The following ADAM9 variants were observed in gnomAD, a reference collection of about 807,000 sequenced individuals.
ADAM9 encodes the protein disintegrin and metalloproteinase domain-containing protein 9.
In ADAM9, 54 loss-of-function variants were observed where a neutral mutation model predicts 108.1. That is an observed-to-expected ratio of 0.50 (90% CI 0.40 to 0.63). ADAM9 has a LOEUF of 0.63. Ranked by LOEUF, ADAM9 falls within the 20% of genes least tolerant of loss-of-function variation. ADAM9 has a pLI of 0.00. For missense variants in ADAM9, 830 were observed against 997.7 expected (o/e 0.83, Z 2.26); for synonymous variants, 316 against 336.0 (o/e 0.94, Z 0.65).
At chr8:39,099,383 T>A (rs1363762100) in intron 20 of ADAM9, among the ~76,000 whole-genome samples, 2 of 152,188 alleles carry the variant, frequency 1.3e-5, no homozygotes, top group Non-Finnish European at 2.9e-5. Flanking sequence ...CCCAGCCAAG[T>A]GTTTCAAAAT....
intron 12 of ADAM9, among the ~76,000 whole-genome samples, chr8:39,053,189 T>C (rs35856044): frequency 1.8e-4 from 27 of 152,176 alleles, no homozygotes; most frequent in Non-Finnish European, 3.2e-4. Flanking sequence ...TGATTACTTA[T>C]TGTTGAGTTT....
At chr8:39,016,345 T>C in intron 5 of ADAM9, 151 bp downstream of exon 5, 1 of 735,590 alleles carries the variant, frequency 1.4e-6, no homozygotes, top group Non-Finnish European at 2.4e-6. Context: ...GTGTTTCAGA[T>C]ATCCTTGGCA....
At chr8:39,096,869 T>G (rs1427234971) in intron 20 of ADAM9, among the ~76,000 whole-genome samples, 1 of 152,198 alleles carries the variant, frequency 6.6e-6, no homozygotes, top group Non-Finnish European at 1.5e-5. Context: ...TTGTTGATAT[T>G]CTCATTTTGT....
chr8:39,076,010 A>C (rs1362516657), intron 15 of ADAM9: 2 of 152,226 alleles, frequency 1.3e-5, no homozygotes, highest in African/African-American at 4.8e-5. Flanking sequence ...GCAGCACAAC[A>C]AAAATTAGGA....
At chr8:39,028,354 GC>G (rs1478636591) in intron 11 of ADAM9, among the ~76,000 whole-genome samples, 6 of 150,524 alleles carry the variant, frequency 4.0e-5, no homozygotes, top group Non-Finnish European at 8.8e-5. Flanking sequence ...CTTACAAAAA[GC>G]CATGCTTCAT....
chr8:39,036,678 G>A (rs1588363294), intron 11 of ADAM9, among the ~76,000 whole-genome samples: 1 of 152,130 alleles, frequency 6.6e-6, no homozygotes, highest in African/African-American at 2.4e-5. Flanking sequence ...CATTCTTTTT[G>A]TTGCCATAGG....
intron 16 of ADAM9, among the ~76,000 whole-genome samples, chr8:39,080,898 G>A (rs1429364598): frequency 6.6e-6 from 1 of 151,800 alleles, no homozygotes; most frequent in Admixed American, 6.6e-5. Context: ...GGGTGGTAGG[G>A]GGAGTGGTAG....
At chr8:39,091,128 C>T (rs1418512242) in intron 19 of ADAM9, 131 bp from the exon 20 acceptor site, 21 of 849,588 alleles carry the variant, frequency 2.5e-5, no homozygotes, top group South Asian at 1.1e-4. Flanking sequence ...AAATTTAAAC[C>T]GTATCATGAT....
intron 21 of ADAM9, 139 bp from the exon 22 acceptor site, chr8:39,103,468 T>C: frequency 1.2e-6 from 1 of 825,118 alleles, no homozygotes; most frequent in South Asian, 1.4e-5. Context: ...AATATCACCC[T>C]AATACTGATC....
At chr8:39,011,821 A>G in intron 3 of ADAM9, 105 bp downstream of exon 3, 1 of 1,114,708 alleles carries the variant, frequency 9.0e-7, no homozygotes, top group South Asian at 1.3e-5. Flanking sequence ...CCCTGGGATT[A>G]AGCAGATTTA....
chr8:39,072,491 CT>C (rs201581656), intron 15 of ADAM9, among the ~76,000 whole-genome samples: 1 of 151,520 alleles, frequency 6.6e-6, no homozygotes, highest in East Asian at 1.9e-4. Context: ...GAAGAAACCT[CT>C]TTTTTTTTGG....
chr8:39,043,908 T>G (rs1837532017), intron 12 of ADAM9, among the ~76,000 whole-genome samples: 2 of 152,216 alleles, frequency 1.3e-5, no homozygotes, highest in Non-Finnish European at 2.9e-5. Flanking sequence ...GTTACTTCAA[T>G]TAGGAAAATT....
chr8:39,089,885 A>G (rs1279587063), intron 18 of ADAM9, 162 bp from the exon 19 acceptor site: 2 of 746,872 alleles, frequency 2.7e-6, no homozygotes, highest in Non-Finnish European at 4.6e-6. Flanking sequence ...GCAGAAGTAA[A>G]GCGGACAGGA....
chr8:39,066,086 CT>C (rs1442184644), intron 14 of ADAM9, among the ~76,000 whole-genome samples: 3 of 152,130 alleles, frequency 2.0e-5, no homozygotes, highest in Non-Finnish European at 2.9e-5. Flanking sequence ...TGAACTCATC[CT>C]TTTTCATGGC....
At position 39,072,914 on chromosome 8, in the gene ADAM9, G is replaced by A. The variant is rs867703025; in HGVS notation, c.1697+1511G>A. Among the ~76,000 whole-genome samples, 13 of 152,020 alleles carry A rather than the reference G, an allele frequency of 8.6e-5. No homozygotes were observed. The South Asian group carries it at 1.0e-3, about 12-fold the overall frequency. On this transcript the variant is annotated intron_variant, in intron 15 of 21. Coordinates refer to ENST00000487273, the MANE Select transcript of ADAM9 (RefSeq NM_003816.3). The stretch of plus-strand genomic sequence containing the variant: ...ATTGAAAGCCTATTGCTTAATTCCC[G>A]AGTAGTTGGGAATATACTGGTTATC...
rs551081730 is a variant in ADAM9, at chr8:39,035,375, A to G, written c.1131-6571A>G. On this transcript the variant is annotated intron_variant, in intron 11 of 21. Coordinates refer to ENST00000487273, the MANE Select transcript of ADAM9 (RefSeq NM_003816.3). ...TTGTCTCTGATCATAGTAAGCATAA[A>G]TGTCTTATGGCTATCATTTGATAAT... Among the ~76,000 whole-genome samples the G allele has an allele frequency of 8.7e-4, 133 of 152,304 alleles. 1 individual carries two copies. Among genetic ancestry groups the G allele is most frequent in the African/African-American group, 3.0e-3 (126 of 41,560 alleles).
At chr8:39,046,049 A>G (rs1285891604) in intron 12 of ADAM9, among the ~76,000 whole-genome samples, 1 of 152,066 alleles carries the variant, frequency 6.6e-6, no homozygotes, top group Non-Finnish European at 1.5e-5. Flanking sequence ...GAATCTGCAG[A>G]TCACTTTGGG....
chr8:39,070,700 G>A (rs989173682), intron 14 of ADAM9, among the ~76,000 whole-genome samples: 6 of 151,068 alleles, frequency 4.0e-5, no homozygotes, highest in Admixed American at 2.6e-4. Context: ...CAAGGTTACA[G>A]TAAGCTATGA....
Position 39,104,895 on chromosome 8 carries a change from T to C in ADAM9, c.*1195T>C, listed in dbSNP as rs1839816922. Reference sequence around the variant, plus strand: ...AACCTTTCATAATAAAGTTTAATAATAGGTTTATTAACTGAATTTCATTAG... The same window carrying C: ...AACCTTTCATAATAAAGTTTAATAACAGGTTTATTAACTGAATTTCATTAG... On this transcript the variant is annotated 3_prime_UTR_variant, in exon 22 of 22. Transcript: ENST00000487273. 1 of 439,148 alleles carries C rather than the reference T, an allele frequency of 2.3e-6. No homozygotes were observed. Among genetic ancestry groups the C allele is most frequent in the Admixed American group, 2.6e-5 (1 of 38,668 alleles). 27.2% of individuals were successfully genotyped at this position (439,148 alleles called of 1,614,324 possible). A position where few individuals can be genotyped will look rare whatever the true frequency, so the allele number is the denominator to read the frequency against.
Sources: allele counts gnomAD v4.1 joint callset (sites outside exome capture counted in the v4.1 genomes callset), GRCh38; gene constraint gnomAD v4.1.1; transcripts MANE v1.5; gene names NCBI Gene and HGNC (gene_info 2026-07-23, HGNC 2026-07-21).